FAM83C: variants seen among roughly 807,000 people sequenced by gnomAD.
The protein encoded by FAM83C is protein FAM83C.
Under a neutral mutation model 27.1 loss-of-function variants are expected in FAM83C, and 23 were observed. The ratio of observed to expected loss-of-function variants is 0.85; its 90% CI spans 0.61 to 1.20. The LOEUF (loss-of-function observed/expected upper bound fraction) is 1.20, where lower values mean the gene tolerates loss of function less well. Among genes scored for constraint, FAM83C ranks in the 50% most tolerant of loss-of-function variants. The pLI, the probability that FAM83C is intolerant of heterozygous loss-of-function variation, is 0.00. For missense variants in FAM83C, 984 were observed against 1,001.3 expected, an observed-to-expected ratio of 0.98 and a Z score of 0.23; for synonymous variants, 426 against 423.1, an observed-to-expected ratio of 1.01 and a Z score of -0.09.
rs145689843 is a variant in FAM83C, at chr20:35,287,763, G to A, written c.1016C>T (p.Thr339Met). 22 of 1,612,730 alleles carry A rather than the reference G, an allele frequency of 1.4e-5. No individual in the cohort carries two copies. Among genetic ancestry groups the A allele is most frequent in the South Asian group, 2.2e-5 (2 of 90,850 alleles). ...LAFRPDVPSPTSSLPSSTSLS... is the reference protein window; with the variant it reads ...LAFRPDVPSPMSSLPSSTSLS... ...GCTGGTGCTGGAGGGCAGGGACGAC[G>A]TGGGGCTTGGGACATCAGGCCTGAA... The change falls in exon 4 of 4, where the codon ACG (threonine) becomes ATG (methionine). Residue 339 changes from threonine to methionine, a missense_variant. Coordinates refer to ENST00000374408, the MANE Select transcript of FAM83C (RefSeq NM_178468.6).
chr20:35,288,908 G>T lies in FAM83C; in HGVS notation c.564C>A (p.Asp188Glu). 6.2e-7 allele frequency: 1 copy of T among 1,614,112 alleles called. No individual in the cohort carries two copies. The highest frequency in any genetic ancestry group is 1.1e-5 in the South Asian group (1 of 91,084). Residue 188 changes from aspartate (D) to glutamate (E), a missense_variant, in exon 2 of 4, where the codon GAC becomes GAA. Asp to Glu is a conservative substitution (Grantham distance 45). Coordinates refer to ENST00000374408, the MANE Select transcript of FAM83C (RefSeq NM_178468.6). Reference protein sequence around the residue: ...DIFTDMELLCDLMEASSRRGV... With the variant: ...DIFTDMELLCELMEASSRRGV... ...CACGCCGGCTTGAGGCCTCCATGAGGTCACACAGAAGCTCCATGTCAGTGA... is the reference window on the plus strand; with the variant it reads ...CACGCCGGCTTGAGGCCTCCATGAGTTCACACAGAAGCTCCATGTCAGTGA...
chr20:35,286,476 C>G lies in FAM83C; in HGVS notation c.*59G>C. 3 of 1,500,728 alleles carry G rather than the reference C, an allele frequency of 2.0e-6. No homozygotes were observed. Among genetic ancestry groups the G allele is most frequent in the South Asian group, 2.6e-5 (2 of 76,358 alleles). 93.0% of individuals were successfully genotyped at this position (1,500,728 alleles called of 1,614,324 possible). A position where few individuals can be genotyped will look rare whatever the true frequency, so the allele number is the denominator to read the frequency against. ...TCTGGGACCTGAGCAAGTCCAGAGTCTCGGTGGACAGAGGAGGGGCCTGCC... is the reference window on the plus strand; with the variant it reads ...TCTGGGACCTGAGCAAGTCCAGAGTGTCGGTGGACAGAGGAGGGGCCTGCC... On this transcript the variant is annotated 3_prime_UTR_variant, in exon 4 of 4. Coordinates refer to ENST00000374408, the MANE Select transcript of FAM83C (RefSeq NM_178468.6).
In FAM83C at chr20:35,287,100, C is replaced by G. The variant is rs866205426; in HGVS notation, c.1679G>C (p.Arg560Pro). 2.5e-6 allele frequency: 4 copies of G among 1,604,690 alleles called. No individual in the cohort carries two copies. Among genetic ancestry groups the G allele is most frequent in the Admixed American group, 1.7e-5 (1 of 59,986 alleles). ...AGGGGCACCCCCAGTACCCAGGGCT[C>G]GGGACAGGAGATCCAGCTGGCTGTC... The part of the protein sequence containing the change: ...QADSQLDLLS[R>P]ALGTGGAPEL... The change falls in exon 4 of 4, where the codon CGA (arginine) becomes CCA (proline). Residue 560 changes from arginine to proline, a missense_variant. Coordinates refer to ENST00000374408, the MANE Select transcript of FAM83C (RefSeq NM_178468.6).
intron 1 of FAM83C, 63 bp downstream of exon 1, chr20:35,291,724 GTCCCT>G (rs1568636252): frequency 1.3e-5 from 21 of 1,596,904 alleles, no homozygotes; most frequent in Non-Finnish European, 1.8e-5. Flanking sequence ...CCTTGGGCTG[GTCCCT>G]TCCCTCTCTG....
intron 1 of FAM83C, 129 bp from the exon 2 acceptor site, chr20:35,289,087 C>T: frequency 1.7e-6 from 2 of 1,209,464 alleles, no homozygotes; most frequent in Non-Finnish European, 2.3e-6. Context: ...CCAGAGCCTT[C>T]AAGAGCAAGT....
rs200986110 is a variant in FAM83C at position 35,287,052 on chromosome 20, C to G, written c.1727G>C (p.Gly576Ala). The G allele has an allele frequency of 1.7e-5, 28 of 1,605,012 alleles. No homozygotes were observed. Among genetic ancestry groups the G allele is most frequent in the Non-Finnish European group, 2.3e-5 (27 of 1,179,992 alleles). The change falls in exon 4 of 4, where the codon GGT becomes GCT. Residue 576 changes from glycine (G) to alanine (A), a missense_variant. Transcript: ENST00000374408. ...CCTCCTGTCCTCCAGGGCCCGATCA[C>G]CAGGTCTGAGGGAACCCAACTCAGG... Reference protein sequence around the residue: ...GAPELGSLRPGDRALEDRRLS... With the variant: ...GAPELGSLRPADRALEDRRLS...
chr20:35,290,091 A>G (rs956929174), intron 1 of FAM83C, among the ~76,000 whole-genome samples: 1 of 152,182 alleles, frequency 6.6e-6, no homozygotes, highest in African/African-American at 2.4e-5. Context: ...GTCCTGCCTC[A>G]GTTTCCCTGT....
Position 35,286,861 on chromosome 20 carries a change from TTG to T in FAM83C, c.1916_1917del (p.Thr639LysfsTer8), listed in dbSNP as rs2060828157. 8.1e-6 allele frequency: 13 copies of T among 1,614,120 alleles called. No individual in the cohort carries two copies. In the East Asian group the frequency reaches 2.7e-4, roughly 33 times the overall value. On this transcript the variant is annotated frameshift_variant, in exon 4 of 4. Transcript: ENST00000374408. LOFTEE classifies it high-confidence loss of function. ...TLGHSQLDLI[T>X]KFGPFRGEGP... ...CCCTCACCACGGAATGGGCCGAACT[TTG>T]TGATGAGGTCCAGCTGGCTGTGCCC...
chr20:35,291,951 G>A lies in FAM83C; in HGVS notation c.354C>T (p.Pro118=). Residue 118 remains proline, a synonymous_variant, in exon 1 of 4, where the codon CCC becomes CCT. Transcript: ENST00000374408. ...LSEVTSGTYF[P]MASDIDPPDL... ...CTGGGGGGTCTATGTCAGAGGCCAT[G>A]GGGAAGTAAGTCCCTGAGGTGACTT... The A allele has an allele frequency of 6.2e-7, 1 of 1,610,792 alleles. No individual in the cohort carries two copies. The highest frequency in any genetic ancestry group is 8.5e-7 in the Non-Finnish European group (1 of 1,177,324).
At position 35,292,257 on chromosome 20, in the gene FAM83C, C is replaced by T. The variant is rs748871033; in HGVS notation, c.48G>A (p.Ala16=). 8 of 1,566,218 alleles carry T rather than the reference C, an allele frequency of 5.1e-6. No individual in the cohort carries two copies. Among genetic ancestry groups the T allele is most frequent in the Middle Eastern group, 2.2e-4 (1 of 4,492 alleles). ...CTTCCACCCGGCCCCGCAGGGGTCC[C>T]GCCATGCCCTGGGCTCCCAGGACCC... is the stretch of plus-strand genomic sequence containing the variant. ...GPGVLGAQGM[A]GPLRGRVEEL... Residue 16 remains alanine (A), a synonymous_variant, in exon 1 of 4, where the codon GCG becomes GCA. Coordinates refer to ENST00000374408, the MANE Select transcript of FAM83C (RefSeq NM_178468.6).
intron 1 of FAM83C, 46 bp from the exon 2 acceptor site, chr20:35,289,004 TC>T (rs763693780): frequency 6.4e-7 from 1 of 1,572,884 alleles, no homozygotes; most frequent in East Asian, 2.3e-5. Context: ...CCCAGGGCAC[TC>T]CCCACATCCA....
intron 1 of FAM83C, among the ~76,000 whole-genome samples, chr20:35,290,896 C>T (rs548640731): frequency 3.7e-4 from 57 of 152,300 alleles, no homozygotes; most frequent in African/African-American, 1.3e-3. Context: ...ATCCCAGCAT[C>T]CTGGCTTCCC....
intron 1 of FAM83C, among the ~76,000 whole-genome samples, chr20:35,290,246 C>T (rs533683945): frequency 2.0e-4 from 30 of 152,208 alleles, no homozygotes; most frequent in Non-Finnish European, 4.1e-4. Flanking sequence ...CTCAAAGAGG[C>T]CCCTGAAACC....
chr20:35,291,525 C>T (rs954998476), intron 1 of FAM83C, among the ~76,000 whole-genome samples: 2 of 152,244 alleles, frequency 1.3e-5, no homozygotes, highest in African/African-American at 4.8e-5. Context: ...CTCCAACCTG[C>T]ACCACTTCGT....
At chr20:35,291,652 A>G in intron 1 of FAM83C, 140 bp downstream of exon 1, 2 of 1,082,902 alleles carry the variant, frequency 1.8e-6, no homozygotes, top group Non-Finnish European at 2.6e-6. Flanking sequence ...CCCTTCTAGG[A>G]GTTTGCAATC....
chr20:35,287,800 CAG>C lies in FAM83C; in HGVS notation c.977_978del (p.Pro326ArgfsTer8), dbSNP rs768875365. The C allele has an allele frequency of 1.9e-5, 30 of 1,601,312 alleles. No individual in the cohort carries two copies. Among genetic ancestry groups the C allele is most frequent in the African/African-American group, 1.1e-4 (8 of 74,614 alleles). On this transcript the variant is annotated frameshift_variant, in exon 4 of 4. Transcript: ENST00000374408. LOFTEE classifies it low-confidence loss of function (END_TRUNC). ...PLSPRALRPP[P>X]VALAFRPDVP... ...ACATCAGGCCTGAAGGCTAGGGCCA[CAG>C]GGGGAGGACGCAGTGCCCGGGGAGA...
chr20:35,292,167 C>T lies in FAM83C; in HGVS notation c.138G>A (p.Arg46=). 2 of 1,597,522 alleles carry T rather than the reference C, an allele frequency of 1.3e-6. No homozygotes were observed. The highest frequency in any genetic ancestry group is 1.1e-5 in the South Asian group (1 of 90,960). ...PLVLRHSEAA[R]LAADALLERG... ...GCTCCAGGAGGGCGTCGGCCGCCAG[C>T]CGAGCCGCCTCGCTGTGCCGCAGCA... Residue 46 remains arginine, a synonymous_variant, in exon 1 of 4, where the codon CGG becomes CGA. Transcript: ENST00000374408.
rs777346904 is a variant in FAM83C at position 35,288,774 on chromosome 20, C to A, written c.681+17G>T. On this transcript the variant is annotated intron_variant, in intron 2 of 3. Coordinates refer to ENST00000374408, the MANE Select transcript of FAM83C (RefSeq NM_178468.6). ...CCCCGCCCACACCCCTGGTTACTGC[C>A]CCTGGTCCTCACTGACCGGCAGGTG... is the stretch of plus-strand genomic sequence containing the variant. 12 of 1,598,844 alleles carry A rather than the reference C, an allele frequency of 7.5e-6. No individual in the cohort carries two copies. The highest frequency in any genetic ancestry group is 1.0e-5 in the Non-Finnish European group (12 of 1,170,722).
chr20:35,292,161 C>G lies in FAM83C; in HGVS notation c.144G>C (p.Ala48=), dbSNP rs755167495. 5.9e-5 allele frequency: 95 copies of G among 1,597,562 alleles called. 1 individual carries two copies. Among genetic ancestry groups the G allele is most frequent in the South Asian group, 4.4e-5 (4 of 90,978 alleles). ...CACCCCGCTCCAGGAGGGCGTCGGC[C>G]GCCAGCCGAGCCGCCTCGCTGTGCC... ...VLRHSEAARL[A]ADALLERGEA... The change falls in exon 1 of 4, where the codon GCG becomes GCC. Residue 48 remains alanine (A), a synonymous_variant. Coordinates refer to ENST00000374408, the MANE Select transcript of FAM83C (RefSeq NM_178468.6).
Sources: allele counts gnomAD v4.1 joint callset (sites outside exome capture counted in the v4.1 genomes callset), GRCh38; gene constraint gnomAD v4.1.1; transcripts MANE v1.5; gene names NCBI Gene and HGNC (gene_info 2026-07-23, HGNC 2026-07-21).